PITPNB: variants seen among roughly 807,000 people sequenced by gnomAD.
The protein encoded by PITPNB is phosphatidylinositol transfer protein beta isoform.
Under a neutral mutation model 45.9 loss-of-function variants are expected in PITPNB, and 16 were observed. The observed-to-expected ratio is 0.35, with a 90% CI of 0.24 to 0.53. The LOEUF (loss-of-function observed/expected upper bound fraction) is 0.53, where lower values mean the gene tolerates loss of function less well. Ranked by LOEUF, PITPNB falls within the 20% of genes least tolerant of loss-of-function variation. The pLI is 0.93. For synonymous variants in PITPNB, 112 were observed against 108.9 expected (o/e 1.03, Z -0.18); for missense variants, 188 against 330.5 (o/e 0.57, Z 3.34).
intron 10 of PITPNB, among the ~76,000 whole-genome samples, chr22:27,856,536 A>G (rs1426088898): frequency 6.6e-6 from 1 of 152,204 alleles, no homozygotes; most frequent in Non-Finnish European, 1.5e-5. Flanking sequence ...AGTTCTGTCC[A>G]AGGGGTCCAG....
intron 8 of PITPNB, among the ~76,000 whole-genome samples, chr22:27,866,512 A>C (rs1199375088): frequency 6.6e-6 from 1 of 152,232 alleles, no homozygotes; most frequent in Admixed American, 6.5e-5. Flanking sequence ...ATCTGTGACA[A>C]ACAAATATAA....
intron 7 of PITPNB, among the ~76,000 whole-genome samples, chr22:27,888,703 G>A (rs930531151): frequency 1.3e-5 from 2 of 152,194 alleles, no homozygotes; most frequent in African/African-American, 2.4e-5. Flanking sequence ...ATTTCAACTT[G>A]AAAGAAATCT....
At chr22:27,854,805 C>G (rs1934125309) in intron 11 of PITPNB, 49 bp downstream of exon 11, 2 of 1,157,496 alleles carry the variant, frequency 1.7e-6, no homozygotes, top group African/African-American at 3.0e-5. Flanking sequence ...TGCCCATCAC[C>G]AAAAAGGTAC....
chr22:27,919,067 G>A (rs1555893317), intron 1 of PITPNB, 105 bp downstream of exon 1: 1 of 1,574,670 alleles, frequency 6.4e-7, no homozygotes, highest in Non-Finnish European at 8.7e-7. Flanking sequence ...GGGAGGGGCT[G>A]ACACAGGGCT....
intron 7 of PITPNB, among the ~76,000 whole-genome samples, chr22:27,876,448 G>C (rs942604004): frequency 6.6e-6 from 1 of 152,158 alleles, no homozygotes; most frequent in African/African-American, 2.4e-5. Flanking sequence ...ATTAACAATA[G>C]CACTTTAACC....
chr22:27,894,729 G>C lies in PITPNB; in HGVS notation c.373-91C>G. On this transcript the variant is annotated intron_variant, in intron 6 of 11. Coordinates refer to ENST00000335272, the MANE Select transcript of PITPNB (RefSeq NM_012399.5). ...AATCTTTATCTTGAGTCTCTCAGGG[G>C]ACATTATAGGGAATTAAAAGACCCA... 4.6e-6 allele frequency: 3 copies of C among 657,302 alleles called. No homozygotes were observed. In the South Asian group the frequency reaches 6.8e-5, roughly 15 times the overall value. The allele number at this position is 657,302 out of a possible 1,614,324, so 40.7% of individuals were successfully genotyped here. A position where few individuals can be genotyped will look rare whatever the true frequency, so the allele number is the denominator to read the frequency against.
intron 8 of PITPNB, among the ~76,000 whole-genome samples, chr22:27,862,027 C>T (rs569803167): frequency 1.6e-4 from 24 of 152,266 alleles, no homozygotes; most frequent in African/African-American, 4.3e-4. Context: ...GCCTCTCCCA[C>T]GGGCTCTTCC....
intron 10 of PITPNB, 87 bp downstream of exon 10, chr22:27,858,300 C>G: frequency 2.8e-6 from 3 of 1,063,066 alleles, no homozygotes; most frequent in Non-Finnish European, 4.1e-6. Flanking sequence ...CAACACTCTT[C>G]CTAATTCTAA....
At chr22:27,919,069 C>G (rs954056110) in intron 1 of PITPNB, 103 bp downstream of exon 1, 1 of 1,582,954 alleles carries the variant, frequency 6.3e-7, no homozygotes, top group African/African-American at 1.3e-5. Context: ...GAGGGGCTGA[C>G]ACAGGGCTGA....
intron 1 of PITPNB, among the ~76,000 whole-genome samples, chr22:27,918,109 A>G (rs1936138336): frequency 6.6e-6 from 1 of 151,312 alleles, no homozygotes; most frequent in Non-Finnish European, 1.5e-5. Context: ...TCAGGGCAGG[A>G]AAAAAAAGTG....
chr22:27,885,210 C>T (rs1249361908), intron 7 of PITPNB, among the ~76,000 whole-genome samples: 1 of 22,810 alleles, frequency 4.4e-5, no homozygotes, highest in Non-Finnish European at 7.6e-5. Flanking sequence ...CAAATTTATA[C>T]CTAAAAAAAA....
At chr22:27,915,274 A>T (rs895731330) in intron 1 of PITPNB, among the ~76,000 whole-genome samples, 5 of 151,996 alleles carry the variant, frequency 3.3e-5, no homozygotes, top group African/African-American at 1.2e-4. Flanking sequence ...TTTATGGAAA[A>T]TTTTCAATAG....
chr22:27,912,771 C>A (rs1935964731), intron 2 of PITPNB, among the ~76,000 whole-genome samples: 1 of 151,840 alleles, frequency 6.6e-6, no homozygotes, highest in South Asian at 2.1e-4. Flanking sequence ...CACTTGAGGT[C>A]AGGAGTTCGA....
chr22:27,860,735 A>C (rs909023975), intron 8 of PITPNB: 2 of 153,254 alleles, frequency 1.3e-5, no homozygotes, highest in Non-Finnish European at 2.9e-5. Context: ...GTGATGCAAC[A>C]GCAAAAATAA....
chr22:27,903,777 CAAA>C (rs58453570), intron 3 of PITPNB, among the ~76,000 whole-genome samples: 8 of 84,230 alleles, frequency 9.5e-5, no homozygotes, highest in African/African-American at 2.6e-4. Flanking sequence ...CCCTGTCTCC[CAAA>C]AAAAAAAAAA....
At chr22:27,854,112 G>A (rs1934105656) in intron 11 of PITPNB, among the ~76,000 whole-genome samples, 1 of 152,072 alleles carries the variant, frequency 6.6e-6, no homozygotes, top group Admixed American at 6.6e-5. Context: ...CCACAGTGGA[G>A]GGAGGGGAGT....
intron 8 of PITPNB, among the ~76,000 whole-genome samples, chr22:27,870,637 C>T (rs938821836): frequency 6.6e-6 from 1 of 152,180 alleles, no homozygotes; most frequent in Non-Finnish European, 1.5e-5. Context: ...CTATTTCTTC[C>T]TTGCATTTCA....
chr22:27,871,046 CA>C (rs747073045), intron 8 of PITPNB, among the ~76,000 whole-genome samples: 27 of 152,090 alleles, frequency 1.8e-4, no homozygotes, highest in Admixed American at 9.8e-4. Context: ...CTGTTTAACA[CA>C]GGGGGGAAAA....
At chr22:27,905,634 T>G (rs892233064) in intron 3 of PITPNB, among the ~76,000 whole-genome samples, 7 of 152,206 alleles carry the variant, frequency 4.6e-5, no homozygotes, top group Admixed American at 2.6e-4. Context: ...AAATAACTAT[T>G]TTTCAATAAA....
Sources: allele counts gnomAD v4.1 joint callset (sites outside exome capture counted in the v4.1 genomes callset), GRCh38; gene constraint gnomAD v4.1.1; transcripts MANE v1.5; gene names NCBI Gene and HGNC (gene_info 2026-07-23, HGNC 2026-07-21).